The following SLC36A1 variants were observed in gnomAD, a reference collection of about 807,000 sequenced individuals.
The protein encoded by SLC36A1 is proton-coupled amino acid transporter 1.
In SLC36A1, 30 loss-of-function variants were observed where a neutral mutation model predicts 47.5. The observed-to-expected ratio is 0.63, with a 90% confidence interval of 0.47 to 0.86. The LOEUF (loss-of-function observed/expected upper bound fraction) is 0.86, where lower values mean the gene tolerates loss of function less well. SLC36A1 is among the 40% of genes least tolerant of loss of function. SLC36A1 has a pLI of 0.00. For missense variants in SLC36A1, 517 were observed against 606.0 expected (o/e 0.85, Z 1.54); for synonymous variants, 255 against 249.7 (o/e 1.02, Z -0.20).
the SLC36A1 span, among the ~76,000 whole-genome samples, chr5:151,502,133 G>A: frequency 1.4e-5 from 2 of 147,854 alleles, no homozygotes; most frequent in African/African-American, 5.4e-5. Flanking sequence ...CCAACATGGC[G>A]AAACCCTGTC....
chr5:151,483,019 A>G (rs546767482), intron 10 of SLC36A1, among the ~76,000 whole-genome samples: 8 of 152,274 alleles, frequency 5.3e-5, no homozygotes, highest in Admixed American at 2.0e-4. Flanking sequence ...CCTAGGTGAC[A>G]GGGCGAGACT....
chr5:151,510,002 T>A, the SLC36A1 span: 1 of 1,611,354 alleles, frequency 6.2e-7, no homozygotes, highest in South Asian at 1.1e-5. Context: ...CCATGGCAGG[T>A]GGCCTCTCCT....
At chr5:151,443,360 A>G (rs1752737661), upstream of SLC36A1, among the ~76,000 whole-genome samples, 1 of 152,066 alleles carries the variant, frequency 6.6e-6, no homozygotes, top group African/African-American at 2.4e-5. Context: ...ATAATATCCA[A>G]CCTAACATGT....
chr5:151,475,004 G>C (rs571502219), intron 8 of SLC36A1, among the ~76,000 whole-genome samples: 8 of 152,314 alleles, frequency 5.3e-5, no homozygotes, highest in African/African-American at 1.7e-4. Context: ...CTGACATCAT[G>C]GGGGAGGCTT....
chr5:151,390,939 G>A, the SLC36A1 span, among the ~76,000 whole-genome samples: 1 of 151,818 alleles, frequency 6.6e-6, no homozygotes, highest in Admixed American at 6.6e-5. Context: ...TTCCAATTCT[G>A]TGAAGAAAGT....
At chr5:151,505,223 A>T in the SLC36A1 span, 4 of 396,486 alleles carry the variant, frequency 1.0e-5, no homozygotes, top group East Asian at 1.1e-4. Flanking sequence ...CAGCACAGTC[A>T]ATCAGGCTCT....
At chr5:151,354,964 A>C in the SLC36A1 span, among the ~76,000 whole-genome samples, 1 of 152,318 alleles carries the variant, frequency 6.6e-6, no homozygotes, top group African/African-American at 2.4e-5. Flanking sequence ...TAGCGGGGAA[A>C]TACAACTTGA....
the SLC36A1 span, chr5:151,546,375 C>A: frequency 6.6e-7 from 1 of 1,508,390 alleles, no homozygotes; most frequent in South Asian, 1.2e-5. Flanking sequence ...TTGCCACACC[C>A]TCGACAGGTA....
At chr5:151,550,670 C>A in the SLC36A1 span, 2 of 1,614,202 alleles carry the variant, frequency 1.2e-6, no homozygotes, top group Non-Finnish European at 1.7e-6. Flanking sequence ...CTGCTTGGGT[C>A]CAGCTGGAAG....
At chr5:151,555,273 A>AAAGGT in the SLC36A1 span, among the ~76,000 whole-genome samples, 1 of 152,222 alleles carries the variant, frequency 6.6e-6, no homozygotes, top group Admixed American at 6.5e-5. Flanking sequence ...TTTGGTGTTT[A>AAAGGT]AAGGTAAATA....
At chr5:151,466,403 T>C (rs1756387382) in intron 5 of SLC36A1, among the ~76,000 whole-genome samples, 1 of 152,266 alleles carries the variant, frequency 6.6e-6, no homozygotes, top group South Asian at 2.1e-4. Context: ...CTATGTATAC[T>C]GTTTGGAAAC....
the SLC36A1 span, chr5:151,366,567 G>A: frequency 4.3e-6 from 1 of 231,092 alleles, no homozygotes; most frequent in African/African-American, 2.3e-5. Flanking sequence ...TCTCCAGGAG[G>A]CACAGGATGA....
At chr5:151,470,365 G>A (rs1019303203) in intron 7 of SLC36A1, among the ~76,000 whole-genome samples, 22 of 152,298 alleles carry the variant, frequency 1.4e-4, no homozygotes, top group Admixed American at 5.9e-4. Flanking sequence ...AAGAATTTGG[G>A]TTCTTATAGC....
the SLC36A1 span, among the ~76,000 whole-genome samples, chr5:151,407,205 G>A: frequency 6.6e-6 from 1 of 152,228 alleles, no homozygotes; most frequent in Non-Finnish European, 1.5e-5. Flanking sequence ...GCTTGGAAGG[G>A]GACCCGAATG....
the SLC36A1 span, among the ~76,000 whole-genome samples, chr5:151,533,843 T>C: frequency 6.6e-6 from 1 of 152,128 alleles, no homozygotes; most frequent in Non-Finnish European, 1.5e-5. Flanking sequence ...CACTTTGTGG[T>C]AGCATAAGCT....
At chr5:151,521,302 T>G in the SLC36A1 span, 1 of 1,611,194 alleles carries the variant, frequency 6.2e-7, no homozygotes, top group Non-Finnish European at 8.5e-7. Context: ...CCTCTGCAGG[T>G]GGTGCCGCGG....
intron 10 of SLC36A1, among the ~76,000 whole-genome samples, chr5:151,482,607 A>G (rs1486470046): frequency 6.6e-6 from 1 of 152,136 alleles, no homozygotes; most frequent in African/African-American, 2.4e-5. Context: ...TTTGTCTTTC[A>G]CATTTTATTT....
At chr5:151,394,961 T>C in the SLC36A1 span, among the ~76,000 whole-genome samples, 5 of 152,200 alleles carry the variant, frequency 3.3e-5, no homozygotes, top group Non-Finnish European at 2.9e-5. Context: ...CTGCAGAGGT[T>C]TCTGCTGCCT....
At chr5:151,521,474 CTGAG>C in the SLC36A1 span, 2 of 1,614,234 alleles carry the variant, frequency 1.2e-6, no homozygotes, top group Non-Finnish European at 8.5e-7. Context: ...ATCTCCTTGG[CTGAG>C]TGAGTGATGA....
Sources: gnomAD v4.1 joint callset for allele counts (sites outside exome capture counted in the v4.1 genomes callset) on GRCh38, gnomAD v4.1.1 for gene constraint, MANE v1.5 for transcripts, NCBI Gene and HGNC (gene_info 2026-07-23, HGNC 2026-07-21) for gene names.